The following KLHL29 variants were observed in gnomAD, a reference collection of about 807,000 sequenced individuals.
KLHL29 encodes kelch like family member 29, also known as kelch-like protein 29.
Under a neutral mutation model 80.4 loss-of-function variants are expected in KLHL29, and 21 were observed. The observed-to-expected ratio is 0.26, with a 90% CI of 0.19 to 0.38. The LOEUF (loss-of-function observed/expected upper bound fraction) is 0.38, where lower values mean the gene tolerates loss of function less well. Among genes scored for constraint, KLHL29 ranks in the 10% least tolerant of loss-of-function variants. The probability of loss-of-function intolerance (pLI) is 1.00; values close to 1 mark genes in which losing one functional copy is unlikely to be tolerated. For missense variants in KLHL29, 867 were observed against 1,223.9 expected (o/e 0.71, Z 4.35); for synonymous variants, 511 against 526.8 (o/e 0.97, Z 0.41).
rs148881564 is a variant in KLHL29 at position 23,405,716 on chromosome 2, A to T, written c.-154+19936A>T. ...TGCTCCCCATCCTAGGGGTTCTAGG[A>T]TACTTGGTAAGGAGCTCAGCCCAAG... On this transcript the variant is annotated intron_variant, in intron 1 of 13. Coordinates refer to ENST00000486442, the MANE Select transcript of KLHL29 (RefSeq NM_052920.2). Among the ~76,000 whole-genome samples, 213 of 152,288 alleles carry T rather than the reference A, an allele frequency of 1.4e-3. 1 individual carries two copies. The highest frequency in any genetic ancestry group is 4.9e-3 in the African/African-American group (205 of 41,568).
Position 23,684,569 on chromosome 2 carries a change from G to C in KLHL29, c.1079+32G>C, listed in dbSNP as rs1373338959. The C allele has an allele frequency of 5.3e-6, 8 of 1,517,746 alleles. No homozygotes were observed. Among genetic ancestry groups the C allele is most frequent in the East Asian group, 2.5e-5 (1 of 40,094 alleles). 94.0% of individuals were successfully genotyped at this position (1,517,746 alleles called of 1,614,324 possible). A position where few individuals can be genotyped will look rare whatever the true frequency, so the allele number is the denominator to read the frequency against. On this transcript the variant is annotated intron_variant, in intron 6 of 13. Coordinates refer to ENST00000486442, the MANE Select transcript of KLHL29 (RefSeq NM_052920.2). The surrounding 1 kb of genome is among the most constrained non-coding windows in gnomAD (Gnocchi z 4.4). ...CTTCCTTCCAGCTGTGGTCGGGTCT[G>C]TTCCTTTGTAGGACGCTTTTGTGTC... is the stretch of plus-strand genomic sequence containing the variant.
At chr2:23,515,517 T>A (rs1273313187) in intron 2 of KLHL29, among the ~76,000 whole-genome samples, 1 of 152,262 alleles carries the variant, frequency 6.6e-6, no homozygotes, top group African/African-American at 2.4e-5. Flanking sequence ...CCCCCGTCTC[T>A]ACTTCCACAG....
chr2:23,514,865 A>G (rs963195718), intron 2 of KLHL29, among the ~76,000 whole-genome samples: 1 of 152,084 alleles, frequency 6.6e-6, no homozygotes, highest in Non-Finnish European at 1.5e-5. Flanking sequence ...TTTTCTGTCT[A>G]TTTCACCTGT....
At position 23,684,697 on chromosome 2, in the gene KLHL29, TCTCA is replaced by T. The variant is rs1192354202; in HGVS notation, c.1079+162_1079+165del. ...CTCCTCCTCCTCCTCCCCAGTACCC[TCTCA>T]CACACAGCCTCAGAGCAGCCACTGC... On this transcript the variant is annotated intron_variant, in intron 6 of 13. Transcript: ENST00000486442. The surrounding 1 kb of genome is among the most constrained non-coding windows in gnomAD (Gnocchi z 4.4). 4.0e-5 allele frequency among the ~76,000 whole-genome samples: 6 copies of T among 150,968 alleles called. No homozygotes were observed. The highest frequency in any genetic ancestry group is 7.4e-5 in the Non-Finnish European group (5 of 67,788).
At chr2:23,453,826 C>T (rs573149979) in intron 1 of KLHL29, among the ~76,000 whole-genome samples, 3 of 151,994 alleles carry the variant, frequency 2.0e-5, no homozygotes, top group East Asian at 1.9e-4. Flanking sequence ...GAAGAAAATT[C>T]GGGCTCACTG....
chr2:23,627,610 G>A (rs1315308206), intron 3 of KLHL29, among the ~76,000 whole-genome samples: 9 of 152,144 alleles, frequency 5.9e-5, no homozygotes, highest in African/African-American at 1.9e-4. Context: ...AGCCGCCTCC[G>A]AGGCCGTGTG....
At position 23,682,670 on chromosome 2, in the gene KLHL29, GCACCCTCCCA is replaced by G. The variant is rs757223585; in HGVS notation, c.941-1719_941-1710del. 1.4e-3 allele frequency among the ~76,000 whole-genome samples: 217 copies of G among 151,604 alleles called. No individual in the cohort carries two copies. Among genetic ancestry groups the G allele is most frequent in the African/African-American group, 3.5e-3 (145 of 41,332 alleles). ...CCTGCACCTGCCCCCTCGTGCTCCT[GCACCCTCCCA>G]CACCCTCCCGCACCCTCCCGCGCCC... On this transcript the variant is annotated intron_variant, in intron 5 of 13. Coordinates refer to ENST00000486442, the MANE Select transcript of KLHL29 (RefSeq NM_052920.2). The surrounding 1 kb of genome is among the most constrained non-coding windows in gnomAD (Gnocchi z 4.1).
chr2:23,570,520 A>G (rs1667692841), intron 3 of KLHL29, among the ~76,000 whole-genome samples: 1 of 151,412 alleles, frequency 6.6e-6, no homozygotes, highest in Admixed American at 6.6e-5. Flanking sequence ...TCTGTCCCCT[A>G]CTCCTGCCTT....
intron 3 of KLHL29, among the ~76,000 whole-genome samples, chr2:23,582,051 C>T (rs527239814): frequency 8.5e-5 from 13 of 152,222 alleles, no homozygotes; most frequent in East Asian, 3.9e-4. Context: ...TCAGATACCA[C>T]GCCAGGGTCT....
intron 2 of KLHL29, among the ~76,000 whole-genome samples, chr2:23,552,071 G>C (rs1311702174): frequency 6.6e-6 from 1 of 152,214 alleles, no homozygotes; most frequent in African/African-American, 2.4e-5. Flanking sequence ...CTTCCCAGAA[G>C]ACCTCCCCTC....
intron 6 of KLHL29, chr2:23,690,327 G>GGGAGA (rs1367936855): frequency 6.6e-6 from 1 of 152,204 alleles, no homozygotes; most frequent in Non-Finnish European, 1.5e-5. Flanking sequence ...CTGAGGGCCC[G>GGGAGA]GGAGACCAAG....
chr2:23,479,517 A>AG (rs1454633394), intron 2 of KLHL29, among the ~76,000 whole-genome samples: 2 of 151,916 alleles, frequency 1.3e-5, no homozygotes, highest in Non-Finnish European at 2.9e-5. Context: ...TTGGTGCCGC[A>AG]GGCTTTCCTT....
intron 3 of KLHL29, among the ~76,000 whole-genome samples, chr2:23,588,359 G>A (rs1396082099): frequency 6.6e-6 from 1 of 152,218 alleles, no homozygotes; most frequent in East Asian, 1.9e-4. Flanking sequence ...ACTCTCAACA[G>A]CAGCTAAGTC....
chr2:23,562,084 T>C lies in KLHL29; in HGVS notation c.-45-68T>C. ...TATTGAACCCAGAGAAGGGGCTTCA[T>C]GGATGCTGTCAGTTGTCGCTGCCTG... On this transcript the variant is annotated intron_variant, in intron 2 of 13. Transcript: ENST00000486442. The surrounding 1 kb of genome is among the most constrained non-coding windows in gnomAD (Gnocchi z 4.5). 5 of 1,247,216 alleles carry C rather than the reference T, an allele frequency of 4.0e-6. No individual in the cohort carries two copies. In the South Asian group the frequency reaches 5.4e-5, roughly 14 times the overall value. 77.3% of individuals were successfully genotyped at this position (1,247,216 alleles called of 1,614,324 possible).
intron 5 of KLHL29, among the ~76,000 whole-genome samples, chr2:23,648,053 C>A (rs1219073638): frequency 2.0e-5 from 3 of 152,048 alleles, no homozygotes; most frequent in Non-Finnish European, 2.9e-5. Context: ...GTGCTCAGGG[C>A]CCCAGGCATA....
chr2:23,571,276 G>A (rs771916689), intron 3 of KLHL29, among the ~76,000 whole-genome samples: 2 of 152,260 alleles, frequency 1.3e-5, no homozygotes, highest in African/African-American at 2.4e-5. Context: ...GAATGGGGGC[G>A]TGGGCTGAGC....
At chr2:23,480,625 A>G (rs1433950518) in intron 2 of KLHL29, among the ~76,000 whole-genome samples, 1 of 152,256 alleles carries the variant, frequency 6.6e-6, no homozygotes, top group Non-Finnish European at 1.5e-5. Context: ...AAGTTCCTGA[A>G]TTCTATGGCT....
chr2:23,495,140 A>G (rs1187373676), intron 2 of KLHL29, among the ~76,000 whole-genome samples: 1 of 152,132 alleles, frequency 6.6e-6, no homozygotes, highest in Non-Finnish European at 1.5e-5. Flanking sequence ...TTCACATCTC[A>G]GTCTCCCAGA....
intron 2 of KLHL29, among the ~76,000 whole-genome samples, chr2:23,489,308 A>ATGGG (rs1558357179): frequency 6.6e-6 from 1 of 151,802 alleles, no homozygotes; most frequent in Admixed American, 6.5e-5. Flanking sequence ...CTGGGGATGG[A>ATGGG]TTGTCTCTGA....
Sources: gnomAD v4.1 joint callset for allele counts (sites outside exome capture counted in the v4.1 genomes callset) on GRCh38, gnomAD v4.1.1 for gene constraint, Gnocchi (gnomAD v3.1) non-coding constraint, MANE v1.5 for transcripts, NCBI Gene and HGNC (gene_info 2026-07-23, HGNC 2026-07-21) for gene names.